C12orf42: variants seen among roughly 807,000 people sequenced by gnomAD.
C12orf42 encodes the protein chromosome 12 open reading frame 42, also known as uncharacterized protein C12orf42.
A neutral mutation model predicts 21.6 loss-of-function variants in C12orf42; 25 were observed. That is an observed-to-expected ratio of 1.16 (90% confidence interval 0.84 to 1.62). The LOEUF (loss-of-function observed/expected upper bound fraction) is 1.62, where lower values mean the gene tolerates loss of function less well. C12orf42 is among the 40% of genes most tolerant of loss of function. The pLI is 0.00. For missense variants in C12orf42, 483 were observed against 459.3 expected, an observed-to-expected ratio of 1.05 and a Z score of -0.47; for synonymous variants, 174 against 175.0, an observed-to-expected ratio of 0.99 and a Z score of 0.05.
chr12:103,465,268 A>C (rs764850337), intron 2 of C12orf42, among the ~76,000 whole-genome samples: 1 of 151,988 alleles, frequency 6.6e-6, no homozygotes, highest in Non-Finnish European at 1.5e-5. Flanking sequence ...GTATCCTCTG[A>C]TTTCCTTAAG....
the C12orf42 span, among the ~76,000 whole-genome samples, chr12:103,181,695 C>G: frequency 6.6e-6 from 1 of 152,230 alleles, no homozygotes; most frequent in East Asian, 1.9e-4. Context: ...GCAACAAATT[C>G]TACTCTGTAG....
chr12:103,554,366 AG>A, the C12orf42 span, among the ~76,000 whole-genome samples: 9 of 152,202 alleles, frequency 5.9e-5, no homozygotes, highest in South Asian at 6.2e-4. Context: ...TAAAAATAAA[AG>A]GTTTGTGCTA....
upstream of C12orf42, among the ~76,000 whole-genome samples, chr12:103,498,609 C>A (rs1357399503): frequency 2.0e-5 from 3 of 152,126 alleles, no homozygotes; most frequent in Non-Finnish European, 2.9e-5. Flanking sequence ...ATTTAAAAGT[C>A]TAACTCCACC....
At chr12:103,176,146 G>A in the C12orf42 span, among the ~76,000 whole-genome samples, 1 of 151,954 alleles carries the variant, frequency 6.6e-6, no homozygotes, top group Non-Finnish European at 1.5e-5. Context: ...CCGGCTAATT[G>A]TTTGCATCTC....
intron 4 of C12orf42, among the ~76,000 whole-genome samples, chr12:103,367,709 A>G (rs2044739636): frequency 6.6e-6 from 1 of 151,968 alleles, no homozygotes. Context: ...AGTAGGAAAA[A>G]GACTGTCTAC....
Position 103,368,903 on chromosome 12 carries a change from G to C in C12orf42, c.243C>G (p.His81Gln). ...FSESPKFRSL[H>Q]FLNFPVFPER... ...TTAATTTACCTGGAAAATTCAGAAA[G>C]TGTAGACTACGAAATTTAGGAGATT... The change falls in exon 4 of 6, where the codon CAC (histidine) becomes CAG (glutamine). Residue 81 changes from histidine (H) to glutamine (Q), a missense_variant. Physicochemically the swap from His to Gln is conservative, Grantham distance 24. Transcript: ENST00000548883. 1 of 1,567,432 alleles carries C rather than the reference G, an allele frequency of 6.4e-7. No homozygotes were observed. Among genetic ancestry groups the C allele is most frequent in the Non-Finnish European group, 8.7e-7 (1 of 1,145,758 alleles).
At chr12:103,256,193 C>CATAT (rs201578668) in intron 10 of C12orf42, among the ~76,000 whole-genome samples, 29 of 134,178 alleles carry the variant, frequency 2.2e-4, no homozygotes, top group East Asian at 6.5e-4. Context: ...TATATATACA[C>CATAT]ATATATATAT....
the C12orf42 span, among the ~76,000 whole-genome samples, chr12:103,523,944 T>G: frequency 6.6e-6 from 1 of 152,076 alleles, no homozygotes. Context: ...ATTCACTCAC[T>G]GAATAGGCAT....
chr12:103,214,611 G>A, the C12orf42 span, among the ~76,000 whole-genome samples: 1 of 152,092 alleles, frequency 6.6e-6, no homozygotes, highest in Non-Finnish European at 1.5e-5. Flanking sequence ...AGAGCAAATC[G>A]AGATCACCCC....
the C12orf42 span, among the ~76,000 whole-genome samples, chr12:103,536,965 T>C: frequency 6.6e-6 from 1 of 152,230 alleles, no homozygotes; most frequent in African/African-American, 2.4e-5. Context: ...ATTGTCTGTC[T>C]CTTTCTGCTA....
chr12:103,236,421 C>T (rs1403993604), downstream of C12orf42, among the ~76,000 whole-genome samples: 1 of 152,174 alleles, frequency 6.6e-6, no homozygotes, highest in Non-Finnish European at 1.5e-5. Flanking sequence ...TTACCCCATG[C>T]AAGCTGCTCA....
At chr12:103,271,983 T>C (rs2035501675) in intron 5 of C12orf42, among the ~76,000 whole-genome samples, 1 of 152,186 alleles carries the variant, frequency 6.6e-6, no homozygotes, top group African/African-American at 2.4e-5. Context: ...ACCCATCATT[T>C]AAATCTTTGG....
At chr12:103,403,714 C>A (rs1434718074) in intron 2 of C12orf42, among the ~76,000 whole-genome samples, 1 of 152,178 alleles carries the variant, frequency 6.6e-6, no homozygotes, top group Non-Finnish European at 1.5e-5. Context: ...GAAAATTAGG[C>A]CCATCCCGAT....
chr12:103,305,899 T>C (rs2038247326), intron 5 of C12orf42, 75 bp downstream of exon 5: 2 of 1,485,886 alleles, frequency 1.3e-6, no homozygotes, highest in Non-Finnish European at 1.8e-6. Flanking sequence ...ATATTTTTTC[T>C]GTTTATACTG....
the C12orf42 span, among the ~76,000 whole-genome samples, chr12:103,063,720 C>A: frequency 6.6e-6 from 1 of 152,174 alleles, no homozygotes; most frequent in African/African-American, 2.4e-5. Flanking sequence ...ACTAAAGTCC[C>A]AGCAGGCCCC....
At chr12:103,532,537 G>GA in the C12orf42 span, among the ~76,000 whole-genome samples, 113 of 149,382 alleles carry the variant, frequency 7.6e-4, no homozygotes, top group African/African-American at 2.5e-3. Flanking sequence ...GTGCCATCTG[G>GA]AAAAAAAAAC....
intron 2 of C12orf42, among the ~76,000 whole-genome samples, chr12:103,437,441 C>A (rs537543317): frequency 0.015 from 2,256 of 151,828 alleles, 31 homozygotes; most frequent in African/African-American, 0.034. Flanking sequence ...ACAAAAAACC[C>A]TTCAAAAAAT....
At chr12:103,146,555 G>GA in the C12orf42 span, among the ~76,000 whole-genome samples, 2 of 87,872 alleles carry the variant, frequency 2.3e-5, no homozygotes, top group African/African-American at 4.8e-5. Context: ...GAGAAATAAA[G>GA]AAAGAAAAGA....
the C12orf42 span, among the ~76,000 whole-genome samples, chr12:103,561,948 T>C: frequency 6.6e-6 from 1 of 152,230 alleles, no homozygotes; most frequent in Non-Finnish European, 1.5e-5. Context: ...CACAAATCTG[T>C]GCCTTACACA....
Sources: gnomAD v4.1 joint callset for allele counts (sites outside exome capture counted in the v4.1 genomes callset) on GRCh38, gnomAD v4.1.1 for gene constraint, MANE v1.5 for transcripts, NCBI Gene and HGNC (gene_info 2026-07-23, HGNC 2026-07-21) for gene names.